Variants in NAALADL2 observed in about 807,000 individuals in gnomAD.
The protein encoded by NAALADL2 is inactive N-acetylated-alpha-linked acidic dipeptidase-like protein 2.
In NAALADL2, 76 loss-of-function variants were observed where a neutral mutation model predicts 87.2. The observed-to-expected ratio is 0.87, with a 90% CI of 0.72 to 1.05. The LOEUF is 1.05. NAALADL2 is among the 50% of genes least tolerant of loss of function. The pLI is 0.00. For synonymous variants in NAALADL2, 354 were observed against 331.0 expected (o/e 1.07, Z -0.75); for missense variants, 1,089 against 945.8 (o/e 1.15, Z -1.99).
chr3:174,522,913 G>A (rs1253466394), intron 1 of NAALADL2, among the ~76,000 whole-genome samples: 8 of 127,430 alleles, frequency 6.3e-5, no homozygotes, highest in Admixed American at 3.7e-4. Context: ...CAGCTTGGGC[G>A]AAAGAGCGAG....
chr3:174,501,094 T>G (rs1467919787), intron 1 of NAALADL2, among the ~76,000 whole-genome samples: 2 of 147,904 alleles, frequency 1.4e-5, no homozygotes, highest in African/African-American at 5.2e-5. Flanking sequence ...TTTTTTTTTT[T>G]TTGAGACGGA....
chr3:174,882,522 T>TACACACATATGTGC (rs1560318027), intron 1 of NAALADL2, among the ~76,000 whole-genome samples: 5 of 150,860 alleles, frequency 3.3e-5, no homozygotes, highest in African/African-American at 4.9e-5. Context: ...CATATGTGCA[T>TACACACATATGTGC]ATACACATAT....
intron 1 of NAALADL2, among the ~76,000 whole-genome samples, chr3:174,495,677 G>A (rs990894844): frequency 2.0e-5 from 3 of 151,944 alleles, no homozygotes; most frequent in Non-Finnish European, 4.4e-5. Context: ...GGTTCACAGG[G>A]GATACTGAAT....
At chr3:174,930,291 T>A (rs1262286078) in intron 1 of NAALADL2, among the ~76,000 whole-genome samples, 4 of 152,118 alleles carry the variant, frequency 2.6e-5, no homozygotes, top group Non-Finnish European at 5.9e-5. Flanking sequence ...CCCTGTGATT[T>A]TTTTAAAAAA....
intron 4 of NAALADL2, among the ~76,000 whole-genome samples, chr3:175,301,023 G>A (rs1693642300): frequency 6.6e-6 from 1 of 152,056 alleles, no homozygotes; most frequent in African/African-American, 2.4e-5. Flanking sequence ...CCAAAGTGCT[G>A]GGATTACAGG....
At chr3:175,219,280 C>A (rs1262981567) in intron 2 of NAALADL2, among the ~76,000 whole-genome samples, 1 of 151,982 alleles carries the variant, frequency 6.6e-6, no homozygotes, top group Admixed American at 6.6e-5. Context: ...TAATTAGCTT[C>A]TTGGTAACTA....
chr3:175,263,547 G>T (rs888780501), intron 4 of NAALADL2, among the ~76,000 whole-genome samples: 3 of 151,772 alleles, frequency 2.0e-5, no homozygotes, highest in African/African-American at 7.3e-5. Flanking sequence ...CGACATCATA[G>T]CAAATGGCAT....
At chr3:175,090,348 A>G (rs968770052) in intron 1 of NAALADL2, among the ~76,000 whole-genome samples, 4 of 151,924 alleles carry the variant, frequency 2.6e-5, no homozygotes, top group Admixed American at 6.6e-5. Flanking sequence ...CTGCTTGCCA[A>G]ATCCTGAATT....
chr3:174,473,398 A>G (rs1473542158), intron 1 of NAALADL2, among the ~76,000 whole-genome samples: 1 of 152,108 alleles, frequency 6.6e-6, no homozygotes, highest in Non-Finnish European at 1.5e-5. Context: ...CCACCATCAC[A>G]TTTTCATCTT....
intron 5 of NAALADL2, among the ~76,000 whole-genome samples, chr3:175,381,833 G>A (rs1009370147): frequency 6.6e-6 from 1 of 152,124 alleles, no homozygotes; most frequent in Non-Finnish European, 1.5e-5. Flanking sequence ...TGGCGGGTTT[G>A]GGACAGTGAG....
intron 3 of NAALADL2, among the ~76,000 whole-genome samples, chr3:174,789,041 G>A (rs887959450): frequency 2.0e-5 from 3 of 152,170 alleles, no homozygotes; most frequent in African/African-American, 7.2e-5. Context: ...GATTTTAATA[G>A]CCTATGTGAT....
chr3:175,271,229 A>G (rs1451934392), intron 4 of NAALADL2: 1 of 152,198 alleles, frequency 6.6e-6, no homozygotes, highest in Non-Finnish European at 1.5e-5. Flanking sequence ...ACAAAAGTGG[A>G]AAAATAATTT....
chr3:174,644,168 GAT>G (rs1477317316), intron 2 of NAALADL2, among the ~76,000 whole-genome samples: 4 of 152,176 alleles, frequency 2.6e-5, no homozygotes, highest in African/African-American at 9.6e-5. Context: ...GTTAGACAAA[GAT>G]AAAGGATGCA....
chr3:174,926,801 T>C (rs998874510), intron 1 of NAALADL2, among the ~76,000 whole-genome samples: 1 of 151,996 alleles, frequency 6.6e-6, no homozygotes, highest in Non-Finnish European at 1.5e-5. Context: ...CATCAACTAA[T>C]GAGCAAAATA....
chr3:175,744,680 G>A (rs986411622), intron 12 of NAALADL2, among the ~76,000 whole-genome samples: 1 of 152,018 alleles, frequency 6.6e-6, no homozygotes, highest in Non-Finnish European at 1.5e-5. Context: ...CTAAATTGTA[G>A]GCATCAGTTC....
At chr3:174,618,579 G>A (rs1306420104) in intron 2 of NAALADL2, among the ~76,000 whole-genome samples, 1 of 151,798 alleles carries the variant, frequency 6.6e-6, no homozygotes, top group African/African-American at 2.4e-5. Flanking sequence ...TCTACTGAAA[G>A]TTACTAAGAA....
intron 3 of NAALADL2, among the ~76,000 whole-genome samples, chr3:174,790,051 T>C (rs766976787): frequency 2.0e-5 from 3 of 152,192 alleles, no homozygotes; most frequent in Non-Finnish European, 4.4e-5. Flanking sequence ...ATACTACTCT[T>C]GGCTCTCTTT....
intron 5 of NAALADL2, among the ~76,000 whole-genome samples, chr3:175,366,932 C>A (rs1208801824): frequency 5.3e-5 from 8 of 151,540 alleles, no homozygotes; most frequent in Non-Finnish European, 8.8e-5. Flanking sequence ...GAAGTCCTTG[C>A]CCATGCCTAT....
At chr3:175,250,253 C>CTGTGTGTGTG (rs147841608) in intron 3 of NAALADL2, among the ~76,000 whole-genome samples, 458 of 146,176 alleles carry the variant, frequency 3.1e-3, no homozygotes, top group African/African-American at 0.011. Context: ...CTCACTTTTT[C>CTGTGTGTGTG]TGTGTGTGTG....
Sources: gnomAD v4.1 joint callset for allele counts (sites outside exome capture counted in the v4.1 genomes callset) on GRCh38, gnomAD v4.1.1 for gene constraint, MANE v1.5 for transcripts, NCBI Gene and HGNC (gene_info 2026-07-23, HGNC 2026-07-21) for gene names.